The following DSCAM variants were observed in gnomAD, a reference collection of about 807,000 sequenced individuals.
The protein encoded by DSCAM is DS cell adhesion molecule.
DSCAM carries 47 observed loss-of-function variants against 217.7 expected under a neutral mutation model. The ratio of observed to expected loss-of-function variants is 0.22; its 90% CI spans 0.17 to 0.28. The LOEUF (loss-of-function observed/expected upper bound fraction) is 0.28. Ranked by LOEUF, DSCAM falls within the 10% of genes least tolerant of loss-of-function variation. The pLI, the probability that DSCAM is intolerant of heterozygous loss-of-function variation, is 1.00. For synonymous variants in DSCAM, 1,056 were observed against 1,015.3 expected, an observed-to-expected ratio of 1.04 and a Z score of -0.76; for missense variants, 2,080 against 2,618.3, an observed-to-expected ratio of 0.79 and a Z score of 4.49.
intron 16 of DSCAM, among the ~76,000 whole-genome samples, chr21:40,153,493 G>T (rs2090445881): frequency 6.6e-6 from 1 of 152,214 alleles, no homozygotes; most frequent in Non-Finnish European, 1.5e-5. Flanking sequence ...ACCCAGGAAT[G>T]GAGAGAGGCT....
intron 3 of DSCAM, among the ~76,000 whole-genome samples, chr21:40,445,514 A>G (rs1280901143): frequency 6.6e-6 from 1 of 152,236 alleles, no homozygotes; most frequent in Non-Finnish European, 1.5e-5. Context: ...TGAAGCCTGT[A>G]GTTGATCACG....
intron 3 of DSCAM, among the ~76,000 whole-genome samples, chr21:40,673,650 G>A (rs1227031674): frequency 6.6e-6 from 1 of 152,170 alleles, no homozygotes; most frequent in Non-Finnish European, 1.5e-5. Flanking sequence ...ATTAGATCAT[G>A]GGGGTGGATT....
chr21:40,798,949 T>C (rs2091715491), intron 1 of DSCAM, among the ~76,000 whole-genome samples: 2 of 152,126 alleles, frequency 1.3e-5, no homozygotes, highest in Admixed American at 6.5e-5. Flanking sequence ...CCATTCCCAA[T>C]GCTATAAAAC....
intron 3 of DSCAM, among the ~76,000 whole-genome samples, chr21:40,500,036 C>T (rs998576221): frequency 1.3e-5 from 2 of 152,100 alleles, no homozygotes; most frequent in African/African-American, 2.4e-5. Context: ...GCCTCGGTCT[C>T]CCAAAGTGCT....
At chr21:40,638,905 G>T (rs1002294498) in intron 3 of DSCAM, among the ~76,000 whole-genome samples, 117 of 151,932 alleles carry the variant, frequency 7.7e-4, no homozygotes, top group Non-Finnish European at 1.5e-3. Context: ...ATAGAAGGAG[G>T]CCCTTCTCCC....
intron 1 of DSCAM, among the ~76,000 whole-genome samples, chr21:40,742,524 G>A (rs1381896210): frequency 1.3e-5 from 2 of 152,206 alleles, no homozygotes; most frequent in Non-Finnish European, 2.9e-5. Context: ...TTGTACTTCT[G>A]TCCTTCAGAG....
At chr21:40,215,802 A>G (rs2091237560) in intron 11 of DSCAM, among the ~76,000 whole-genome samples, 1 of 152,200 alleles carries the variant, frequency 6.6e-6, no homozygotes, top group African/African-American at 2.4e-5. Flanking sequence ...AATGAAAGAA[A>G]AAAATTAACT....
At chr21:40,570,975 T>A (rs561042219) in intron 3 of DSCAM, among the ~76,000 whole-genome samples, 1 of 152,248 alleles carries the variant, frequency 6.6e-6, no homozygotes, top group East Asian at 1.9e-4. Context: ...CCAATATTTT[T>A]TAAGTTAAGG....
intron 11 of DSCAM, among the ~76,000 whole-genome samples, chr21:40,262,147 A>G (rs2073461812): frequency 6.6e-6 from 1 of 152,186 alleles, no homozygotes; most frequent in East Asian, 1.9e-4. Flanking sequence ...AAGAGACCTC[A>G]GAATAAAACT....
chr21:40,265,064 G>A (rs764192191), intron 11 of DSCAM, among the ~76,000 whole-genome samples: 1 of 140,478 alleles, frequency 7.1e-6, no homozygotes, highest in Non-Finnish European at 1.5e-5. Context: ...GTAGTGACAG[G>A]CATCTATAAT....
chr21:40,628,354 A>C (rs1451220908), intron 3 of DSCAM, among the ~76,000 whole-genome samples: 1 of 152,194 alleles, frequency 6.6e-6, no homozygotes, highest in Non-Finnish European at 1.5e-5. Context: ...CCTCAACTGC[A>C]CTTCTACAAA....
chr21:40,296,890 A>AT (rs2123449562), intron 9 of DSCAM, among the ~76,000 whole-genome samples: 1 of 152,030 alleles, frequency 6.6e-6, no homozygotes, highest in East Asian at 1.9e-4. Context: ...TCAAATAGTA[A>AT]TTATCAAATA....
At chr21:40,732,186 T>C (rs912650019) in intron 1 of DSCAM, among the ~76,000 whole-genome samples, 6 of 152,174 alleles carry the variant, frequency 3.9e-5, no homozygotes, top group African/African-American at 9.7e-5. Flanking sequence ...ACAAATGTGA[T>C]AGAATTCTGA....
intron 3 of DSCAM, among the ~76,000 whole-genome samples, chr21:40,637,364 TATAA>T (rs1181245902): frequency 2.7e-5 from 1 of 36,796 alleles, no homozygotes; most frequent in African/African-American, 1.1e-4. Context: ...TAAATATATA[TATAA>T]ATATATATAA....
chr21:40,481,187 T>C (rs2075978863), intron 3 of DSCAM, among the ~76,000 whole-genome samples: 1 of 152,146 alleles, frequency 6.6e-6, no homozygotes, highest in African/African-American at 2.4e-5. Context: ...AGTCACTTCC[T>C]GTAGAAAGAC....
rs367721397 is a variant in DSCAM, at chr21:40,353,742, G to A, written c.657C>T (p.Asp219=). ...QSNSARLFVS[D]PANSAPSILD... ...GTATGGATGGGGCTGAGTTCGCTGG[G>A]TCTGTAGAAGAAATAAAAACTCTTA... Residue 219 remains aspartate (D), a splice_region_variant and synonymous_variant, in exon 5 of 33, where the codon GAC becomes GAT. Transcript: ENST00000400454. 2 of 1,534,776 alleles carry A rather than the reference G, an allele frequency of 1.3e-6. No homozygotes were observed. Among genetic ancestry groups the A allele is most frequent in the Non-Finnish European group, 1.7e-6 (2 of 1,149,422 alleles).
chr21:40,070,400 GAAAA>G (rs1568924721), intron 27 of DSCAM, among the ~76,000 whole-genome samples: 4 of 99,666 alleles, frequency 4.0e-5, no homozygotes, highest in African/African-American at 6.3e-5. Context: ...GGAAGGAAAA[GAAAA>G]GAAAAGAAAA....
intron 1 of DSCAM, among the ~76,000 whole-genome samples, chr21:40,790,611 C>T (rs2091633617): frequency 6.6e-6 from 1 of 152,080 alleles, no homozygotes; most frequent in African/African-American, 2.4e-5. Context: ...GGTTGATTGA[C>T]TTGTGGAGGG....
intron 3 of DSCAM, among the ~76,000 whole-genome samples, chr21:40,376,303 C>T (rs1299076274): frequency 6.6e-6 from 1 of 151,718 alleles, no homozygotes; most frequent in African/African-American, 2.4e-5. Flanking sequence ...ATTAGAGGAA[C>T]ATAAGAATTA....
Sources: gnomAD v4.1 joint callset for allele counts (sites outside exome capture counted in the v4.1 genomes callset) on GRCh38, gnomAD v4.1.1 for gene constraint, MANE v1.5 for transcripts, NCBI Gene and HGNC (gene_info 2026-07-23, HGNC 2026-07-21) for gene names.